SPTBN5: variants seen among roughly 807,000 people sequenced by gnomAD.
SPTBN5 encodes the protein spectrin beta chain, non-erythrocytic 5.
SPTBN5 carries 513 observed loss-of-function variants against 477.6 expected under a neutral mutation model. The observed-to-expected ratio is 1.07, with a 90% CI of 1.00 to 1.16. The LOEUF (loss-of-function observed/expected upper bound fraction) is 1.16, where lower values mean the gene tolerates loss of function less well. Ranked by LOEUF, SPTBN5 falls within the 50% of genes most tolerant of loss-of-function variation. The pLI is 0.00. For synonymous variants in SPTBN5, 2,169 were observed against 2,011.7 expected (o/e 1.08, Z -2.09); for missense variants, 5,062 against 4,731.8 (o/e 1.07, Z -2.05).
intron 49 of SPTBN5, among the ~76,000 whole-genome samples, 183 bp downstream of exon 49, chr15:41,858,419 C>A (rs765042752): frequency 3.3e-5 from 5 of 152,220 alleles, no homozygotes; most frequent in Admixed American, 6.5e-5. Flanking sequence ...CCCCCCTGCC[C>A]GCCGGAAAGC....
intron 67 of SPTBN5, among the ~76,000 whole-genome samples, chr15:41,849,245 C>T (rs923915649): frequency 2.2e-4 from 33 of 152,156 alleles, no homozygotes; most frequent in African/African-American, 7.0e-4. Context: ...GGTTGAGCAT[C>T]GAAATGATGC....
At position 41,873,918 on chromosome 15, in the gene SPTBN5, C is replaced by A. The variant is rs747106258; in HGVS notation, c.4817G>T (p.Gly1606Val). The A allele has an allele frequency of 1.2e-6, 2 of 1,611,022 alleles. No homozygotes were observed. The highest frequency in any genetic ancestry group is 8.5e-7 in the Non-Finnish European group (1 of 1,179,876). ...HIVEQCQELE[G>V]HWAELERACE... ...TGCCCTCTCCAGCTCTGCCCAGTGG[C>A]CTTCCAGCTCCTGGCACTGCTCCAC... Residue 1606 changes from glycine (G) to valine (V), a missense_variant, in exon 25 of 68, where the codon GGC becomes GTC. By Grantham distance (109) the Gly-to-Val change is moderately radical (BLOSUM62 -3). Transcript: ENST00000320955.
intron 13 of SPTBN5, 109 bp downstream of exon 13, chr15:41,880,925 C>T: frequency 1.0e-6 from 1 of 960,796 alleles, no homozygotes; most frequent in Non-Finnish European, 1.5e-6. Flanking sequence ...GATAAAAGCT[C>T]CTTGAGGACA....
At position 41,867,107 on chromosome 15, in the gene SPTBN5, C is replaced by T. The variant is rs1414597398; in HGVS notation, c.6332G>A (p.Arg2111Gln). Reference protein sequence around the residue: ...QDKKEAALRERLKTLRRPRVR... With the variant: ...QDKKEAALREQLKTLRRPRVR... ...CCGGGGGCGCCGGAGCGTCTTCAGC[C>T]GCTCACGCAGGGCTGCCTCCTGTGG... The change falls in exon 36 of 68, where the codon CGG becomes CAG. Residue 2111 changes from arginine (R) to glutamine (Q), a missense_variant. Arg to Gln is a conservative substitution (Grantham distance 43). Transcript: ENST00000320955. 3.8e-5 allele frequency: 59 copies of T among 1,538,858 alleles called. No homozygotes were observed. The highest frequency in any genetic ancestry group is 4.1e-5 in the Non-Finnish European group (47 of 1,145,352).
At position 41,887,310 on chromosome 15, in the gene SPTBN5, T is replaced by C; in HGVS notation, c.791A>G (p.Gln264Arg). The C allele has an allele frequency of 1.3e-6, 2 of 1,551,292 alleles. No homozygotes were observed. The highest frequency in any genetic ancestry group is 1.7e-6 in the Non-Finnish European group (2 of 1,147,028). ...GGTCATGATAGAGCGCTCATCTGGC[T>C]GTGCGGCTGCCACGTCCTCGGGGTC... ...LLDPEDVAAA[Q>R]PDERSIMTYV... The change falls in exon 6 of 68, where the codon CAG (glutamine) becomes CGG (arginine). Residue 264 changes from glutamine (Q) to arginine (R), a missense_variant. Physicochemically the swap from Gln to Arg is conservative, Grantham distance 43 (BLOSUM62 1). Coordinates refer to ENST00000320955, the MANE Select transcript of SPTBN5 (RefSeq NM_016642.4).
chr15:41,856,637 C>T (rs1214417159), intron 52 of SPTBN5, 39 bp from the exon 53 acceptor site: 1 of 1,513,932 alleles, frequency 6.6e-7, no homozygotes. Flanking sequence ...ATGTTGCTGA[C>T]CCTTGGGGGA....
At chr15:41,856,767 C>A (rs1181447933) in intron 52 of SPTBN5, 86 bp downstream of exon 52, 3 of 1,417,358 alleles carry the variant, frequency 2.1e-6, no homozygotes, top group African/African-American at 1.4e-5. Flanking sequence ...GCAGAGAGTT[C>A]CTGGCTGGGC....
intron 14 of SPTBN5, 55 bp from the exon 15 acceptor site, chr15:41,879,919 C>A: frequency 6.2e-7 from 1 of 1,606,410 alleles, no homozygotes; most frequent in Non-Finnish European, 8.5e-7. Flanking sequence ...TTCCACACTC[C>A]CCTCTAGCCT....
intron 12 of SPTBN5, 35 bp downstream of exon 12, chr15:41,881,901 G>A (rs1383020953): frequency 9.3e-6 from 14 of 1,506,706 alleles, no homozygotes; most frequent in Admixed American, 2.1e-5. Flanking sequence ...GTGGAGCAAG[G>A]GAGACCAGGC....
chr15:41,870,149 G>A (rs2066483045), intron 31 of SPTBN5, 94 bp downstream of exon 31: 1 of 1,463,536 alleles, frequency 6.8e-7, no homozygotes, highest in South Asian at 1.3e-5. Context: ...CCCATGGGAG[G>A]CCCTGAGGGA....
At chr15:41,862,455 AG>A (rs1391943303) in intron 43 of SPTBN5, 83 bp downstream of exon 43, 1 of 1,532,154 alleles carries the variant, frequency 6.5e-7, no homozygotes, top group Non-Finnish European at 8.8e-7. Flanking sequence ...AAGGAATCCT[AG>A]GGGAACACAG....
rs371680967 is a variant in SPTBN5, at chr15:41,878,465, A to G, written c.3347T>C (p.Leu1116Pro). The G allele has an allele frequency of 2.1e-5, 34 of 1,613,522 alleles. No homozygotes were observed. The highest frequency in any genetic ancestry group is 2.3e-5 in the Non-Finnish European group (27 of 1,179,886). The change falls in exon 17 of 68, where the codon CTG (leucine) becomes CCG (proline). Residue 1116 changes from leucine (L) to proline (P), a missense_variant. Leu to Pro is a moderately conservative substitution (Grantham distance 98). Transcript: ENST00000320955. Reference protein sequence around the residue: ...SFLQESQQLLLWAESVQAQLR... With the variant: ...SFLQESQQLLPWAESVQAQLR... The stretch of plus-strand genomic sequence containing the variant: ...CTGAGCCTGGACACTCTCTGCCCAC[A>G]GTAGCAGTTGCTGGCTCTCTTGCAG...
chr15:41,886,095 G>T lies in SPTBN5; in HGVS notation c.1160C>A (p.Pro387His), dbSNP rs777821274. Reference sequence around the variant, plus strand: ...CTCTGCAAGGCCCAGGCCCTCATGAGGCAGGAAGGGCCTGCGGTTCTGGGC... The same window carrying T: ...CTCTGCAAGGCCCAGGCCCTCATGATGCAGGAAGGGCCTGCGGTTCTGGGC... ...LQAQNRRPFL[P>H]HEGLGLAELS... The change falls in exon 7 of 68, where the codon CCT becomes CAT. Residue 387 changes from proline (P) to histidine (H), a missense_variant. By Grantham distance (77) the Pro-to-His change is moderately conservative. Transcript: ENST00000320955. 2.9e-5 allele frequency: 47 copies of T among 1,607,942 alleles called. No individual in the cohort carries two copies. In the Middle Eastern group the frequency reaches 5.0e-4, roughly 17 times the overall value.
chr15:41,872,348 TCTCCTGCA>T lies in SPTBN5; in HGVS notation c.5111_5118del (p.Val1704GlufsTer28). On this transcript the variant is annotated frameshift_variant, in exon 27 of 68. Coordinates refer to ENST00000320955, the MANE Select transcript of SPTBN5 (RefSeq NM_016642.4). LOFTEE classifies it high-confidence loss of function. ...AGTGCCCGCAGCTGCTCCCGGAGCC[TCTCCTGCA>T]CCACACGCTGCTGCTCAGGGACTTC... 6.2e-7 allele frequency: 1 copy of T among 1,611,350 alleles called. No individual in the cohort carries two copies. The highest frequency in any genetic ancestry group is 8.5e-7 in the Non-Finnish European group (1 of 1,179,678).
Position 41,866,126 on chromosome 15 carries a change from G to A in SPTBN5, c.6734C>T (p.Ala2245Val). ...GTCCTCCAGCTCCTGGCCCCTGAGGGCCATTGCCTGCCTCAGGTCCTCCCA... is the reference window on the plus strand; with the variant it reads ...GTCCTCCAGCTCCTGGCCCCTGAGGACCATTGCCTGCCTCAGGTCCTCCCA... ...KHWEDLRQAM[A>V]LRGQELEDRR... Residue 2245 changes from alanine (A) to valine (V), a missense_variant, in exon 38 of 68, where the codon GCC becomes GTC. Ala to Val is a moderately conservative substitution (Grantham distance 64, BLOSUM62 0). Transcript: ENST00000320955. 6.4e-7 allele frequency: 1 copy of A among 1,558,424 alleles called. No individual in the cohort carries two copies. Among genetic ancestry groups the A allele is most frequent in the Non-Finnish European group, 8.7e-7 (1 of 1,152,060 alleles).
intron 3 of SPTBN5, among the ~76,000 whole-genome samples, chr15:41,891,944 T>A (rs988124020): frequency 3.9e-5 from 6 of 152,192 alleles, no homozygotes; most frequent in African/African-American, 1.4e-4. Context: ...TGACAAAGGC[T>A]GTGGGGCTTA....
At position 41,876,877 on chromosome 15, in the gene SPTBN5, C is replaced by T. The variant is rs554939207; in HGVS notation, c.3783G>A (p.Gly1261=). The change falls in exon 19 of 68, where the codon GGG becomes GGA. Residue 1261 remains glycine, a synonymous_variant. Coordinates refer to ENST00000320955, the MANE Select transcript of SPTBN5 (RefSeq NM_016642.4). ...GTGCCCGCAGAGCCTCTGCCCGAGG[C>T]CCCAGGGTGCTCAGGAGCCGCCCAA... ...REFGRLLSTL[G]PRAEALRAHG... is the part of the protein sequence containing the mutation. 9 of 1,610,442 alleles carry T rather than the reference C, an allele frequency of 5.6e-6. No individual in the cohort carries two copies. The highest frequency in any genetic ancestry group is 4.0e-5 in the African/African-American group (3 of 74,976).
At position 41,871,484 on chromosome 15, in the gene SPTBN5, C is replaced by G. The variant is rs768129231; in HGVS notation, c.5338G>C (p.Val1780Leu). The G allele has an allele frequency of 6.5e-7, 1 of 1,529,514 alleles. No homozygotes were observed. The highest frequency in any genetic ancestry group is 8.8e-7 in the Non-Finnish European group (1 of 1,137,238). The allele number at this position is 1,529,514 out of a possible 1,614,324, so 94.7% of individuals were successfully genotyped here. The change falls in exon 29 of 68, where the codon GTG becomes CTG. Residue 1780 changes from valine to leucine, a missense_variant. By Grantham distance (32) the Val-to-Leu change is conservative (BLOSUM62 1). Transcript: ENST00000320955. ...GCCACCCGCTGGCTGCCCATCTCCA[C>G]TTGGTGCTGAAACTTTGCAAACTTG... is the stretch of plus-strand genomic sequence containing the variant. ...CTKFAKFQHQ[V>L]EMGSQRVAAC...
At chr15:41,863,679 A>C in intron 41 of SPTBN5, 25 bp downstream of exon 41, 1 of 1,593,052 alleles carries the variant, frequency 6.3e-7, no homozygotes, top group Non-Finnish European at 8.6e-7. Context: ...CACAGCCCCC[A>C]CCGGGACCTC....
Sources: allele counts gnomAD v4.1 joint callset (sites outside exome capture counted in the v4.1 genomes callset), GRCh38; gene constraint gnomAD v4.1.1; transcripts MANE v1.5; gene names NCBI Gene and HGNC (gene_info 2026-07-23, HGNC 2026-07-21).